The following KAZN variants were observed in gnomAD, a reference collection of about 807,000 sequenced individuals.
KAZN encodes the protein kazrin.
Under a neutral mutation model 87.4 loss-of-function variants are expected in KAZN, and 40 were observed. The observed-to-expected ratio is 0.46, with a 90% CI of 0.36 to 0.60. The LOEUF (loss-of-function observed/expected upper bound fraction) is 0.60. KAZN is among the 20% of genes least tolerant of loss of function. The pLI, the probability that KAZN is intolerant of heterozygous loss-of-function variation, is 0.00. For synonymous variants in KAZN, 466 were observed against 458.3 expected (o/e 1.02, Z -0.22); for missense variants, 898 against 1,073.9 (o/e 0.84, Z 2.29).
At chr1:13,896,139 A>G (rs1468019756) in intron 1 of KAZN, among the ~76,000 whole-genome samples, 1 of 151,724 alleles carries the variant, frequency 6.6e-6, no homozygotes, top group African/African-American at 2.4e-5. Context: ...GGTCTAGGGC[A>G]GGGGTTGACA....
chr1:14,655,255 AG>A (rs1310722492), intron 1 of KAZN, among the ~76,000 whole-genome samples: 2 of 152,124 alleles, frequency 1.3e-5, no homozygotes, highest in Non-Finnish European at 2.9e-5. Flanking sequence ...ATGGGAGGCT[AG>A]GGGGTGTTTA....
At chr1:13,959,044 T>A (rs529459953) in intron 1 of KAZN, among the ~76,000 whole-genome samples, 2 of 152,238 alleles carry the variant, frequency 1.3e-5, no homozygotes, top group South Asian at 4.1e-4. Flanking sequence ...CCATTTTCAC[T>A]CCCACCATCA....
chr1:14,688,348 C>A (rs1385571616), intron 1 of KAZN, among the ~76,000 whole-genome samples: 1 of 152,192 alleles, frequency 6.6e-6, no homozygotes, highest in Non-Finnish European at 1.5e-5. Flanking sequence ...TCAAGTTCTT[C>A]CAGAGGCTGC....
chr1:14,822,380 A>G (rs542139861), intron 1 of KAZN, among the ~76,000 whole-genome samples: 2 of 133,894 alleles, frequency 1.5e-5, no homozygotes, highest in East Asian at 4.6e-4. Flanking sequence ...TGTCTTCACC[A>G]AGATTCTTTG....
At chr1:14,458,692 G>A (rs1040379873) in intron 2 of KAZN, among the ~76,000 whole-genome samples, 5 of 152,102 alleles carry the variant, frequency 3.3e-5, no homozygotes, top group Admixed American at 6.5e-5. Context: ...TGCTGGTGGC[G>A]TTCAAGGGTT....
chr1:14,003,607 A>G (rs1458419923), intron 1 of KAZN, among the ~76,000 whole-genome samples: 2 of 152,214 alleles, frequency 1.3e-5, no homozygotes, highest in Non-Finnish European at 2.9e-5. Context: ...TTGTAAGACC[A>G]CACACTGCAG....
intron 2 of KAZN, among the ~76,000 whole-genome samples, chr1:14,481,901 C>A (rs2148392971): frequency 6.6e-6 from 1 of 152,308 alleles, no homozygotes; most frequent in East Asian, 1.9e-4. Context: ...AGTCAACAAC[C>A]ATGCAGGCCC....
rs1176068819 is a variant in KAZN at position 15,077,333 on chromosome 1, C to T, written c.1222+11580C>T. Reference sequence around the variant, plus strand: ...GTCCCCGGGCCTGCCTGGCTGTAGGCGCCCATCTCAATTCACCACCATCCT... The same window carrying T: ...GTCCCCGGGCCTGCCTGGCTGTAGGTGCCCATCTCAATTCACCACCATCCT... On this transcript the variant is annotated intron_variant, in intron 8 of 14. Coordinates refer to ENST00000376030, the MANE Select transcript of KAZN (RefSeq NM_201628.3). This position sits in a 1 kb window ranked among gnomAD's most constrained non-coding sequence, Gnocchi z 4.8. 3.3e-5 allele frequency among the ~76,000 whole-genome samples: 5 copies of T among 152,114 alleles called. No individual in the cohort carries two copies. Among genetic ancestry groups the T allele is most frequent in the Non-Finnish European group, 4.4e-5 (3 of 68,020 alleles).
rs79971734 is a variant in KAZN at position 13,943,817 on chromosome 1, A to G, written c.91+50061A>G. Among the ~76,000 whole-genome samples, 1,032 of 152,318 alleles carry G rather than the reference A, an allele frequency of 6.8e-3. 16 individuals are homozygous for G. Among genetic ancestry groups the G allele is most frequent in the East Asian group, 0.053 (274 of 5,188 alleles). On this transcript the variant is annotated intron_variant, in intron 1 of 16. Coordinates refer to the KAZN transcript ENST00000636203. The stretch of plus-strand genomic sequence containing the variant: ...CAGCATTAGTCCTTAGGGAAATGCA[A>G]ATTAAAATCACAATGGTATACTATT...
chr1:14,657,842 T>G (rs1350588904), intron 1 of KAZN, among the ~76,000 whole-genome samples: 1 of 132,506 alleles, frequency 7.5e-6, no homozygotes, highest in African/African-American at 4.3e-5. Flanking sequence ...CTCCTAGTGT[T>G]TGTTTGTTTG....
At chr1:14,385,255 A>T (rs903963642) in intron 2 of KAZN, among the ~76,000 whole-genome samples, 6 of 152,156 alleles carry the variant, frequency 3.9e-5, no homozygotes, top group Admixed American at 6.5e-5. Flanking sequence ...GATCCTTTCA[A>T]AAAACCAGCT....
chr1:14,490,556 G>A (rs1182302471), intron 2 of KAZN, among the ~76,000 whole-genome samples: 7 of 151,990 alleles, frequency 4.6e-5, no homozygotes, highest in African/African-American at 1.2e-4. Flanking sequence ...GCAGTGGCGC[G>A]ATCTCGGCTC....
At chr1:14,689,149 C>T (rs556502326) in intron 1 of KAZN, among the ~76,000 whole-genome samples, 2 of 152,214 alleles carry the variant, frequency 1.3e-5, no homozygotes, top group Admixed American at 6.5e-5. Context: ...GAGCCGAGAT[C>T]GTGCCACTGC....
At chr1:14,561,962 A>G (rs956217526) in intron 2 of KAZN, among the ~76,000 whole-genome samples, 7 of 152,152 alleles carry the variant, frequency 4.6e-5, no homozygotes, top group Non-Finnish European at 1.0e-4. Context: ...TAGTTGAAGA[A>G]AAGTGGCTCC....
Position 14,927,302 on chromosome 1 carries a change from G to A in KAZN, c.227-33382G>A, listed in dbSNP as rs1193322691. ...GTCACATTTCTTGAGCATCTGCTCC[G>A]GGCCAGGCACTGTTGTAGCTGCCAG... On this transcript the variant is annotated intron_variant, in intron 1 of 14. Transcript: ENST00000376030. Among the ~76,000 whole-genome samples the A allele has an allele frequency of 5.9e-5, 9 of 152,216 alleles. No individual in the cohort carries two copies. The East Asian group carries it at 9.7e-4, about 16-fold the overall frequency.
chr1:14,671,176 T>C lies in KAZN; in HGVS notation c.226+71953T>C, dbSNP rs536371882. ...TGAGGGCTGTTGTCCAATATTTGGT[T>C]TATCTAGGGTCTCCCTTCTCCACAG... On this transcript the variant is annotated intron_variant, in intron 1 of 14. Transcript: ENST00000376030. Among the ~76,000 whole-genome samples, 12 of 152,294 alleles carry C rather than the reference T, an allele frequency of 7.9e-5. 1 individual carries two copies. The South Asian group carries it at 2.5e-3, about 32-fold the overall frequency.
chr1:14,615,552 G>A (rs1557838536), intron 1 of KAZN, among the ~76,000 whole-genome samples: 1 of 152,054 alleles, frequency 6.6e-6, no homozygotes, highest in Non-Finnish European at 1.5e-5. Context: ...CTTGAACCCG[G>A]GAGGCAGAGG....
At chr1:15,072,171 G>A (rs1032524242) in intron 8 of KAZN, among the ~76,000 whole-genome samples, 7 of 152,098 alleles carry the variant, frequency 4.6e-5, no homozygotes, top group African/African-American at 1.4e-4. Flanking sequence ...TCCCCTCCTC[G>A]TAGGTTCAGA....
intron 2 of KAZN, among the ~76,000 whole-genome samples, chr1:14,268,052 C>G (rs1170891865): frequency 6.6e-6 from 1 of 152,106 alleles, no homozygotes; most frequent in Non-Finnish European, 1.5e-5. Context: ...TTTTTTGAGC[C>G]CAGCCTCTGG....
Sources: allele counts gnomAD v4.1 joint callset (sites outside exome capture counted in the v4.1 genomes callset), GRCh38; gene constraint gnomAD v4.1.1; non-coding constraint Gnocchi (gnomAD v3.1); transcripts MANE v1.5; gene names NCBI Gene and HGNC (gene_info 2026-07-23, HGNC 2026-07-21).